RUNDC3B: variants seen among roughly 807,000 people sequenced by gnomAD.
RUNDC3B encodes the protein RUN domain-containing protein 3B.
RUNDC3B carries 33 observed loss-of-function variants against 58.4 expected under a neutral mutation model. The ratio of observed to expected loss-of-function variants is 0.56; its 90% CI spans 0.43 to 0.75. RUNDC3B has a LOEUF of 0.75. Among genes scored for constraint, RUNDC3B ranks in the 30% least tolerant of loss-of-function variants. RUNDC3B has a pLI of 0.00. For synonymous variants in RUNDC3B, 193 were observed against 195.2 expected (o/e 0.99, Z 0.10); for missense variants, 501 against 535.7 (o/e 0.94, Z 0.64).
At position 87,709,506 on chromosome 7, in the gene RUNDC3B, T is replaced by C. The variant is rs148110246; in HGVS notation, c.373-1064T>C. 1,008 of 985,416 alleles carry C rather than the reference T, an allele frequency of 1.0e-3. 10 individuals carry two copies. The African/African-American group carries it at 0.016, about 16-fold the overall frequency. 61.0% of individuals were successfully genotyped at this position (985,416 alleles called of 1,614,324 possible). On this transcript the variant is annotated intron_variant, in intron 3 of 10. Transcript: ENST00000394654. ...GGCAAGCTAAAAGGGATGTTGAGCT[T>C]GGTAGGTAAATTGACTCGCATGCTA...
In RUNDC3B at chr7:87,686,317, G is replaced by A. The variant is rs140018124; in HGVS notation, c.239-14104G>A. 2.6e-5 allele frequency among the ~76,000 whole-genome samples: 4 copies of A among 152,266 alleles called. No homozygotes were observed. In the East Asian group the frequency reaches 5.8e-4, roughly 22 times the overall value. ...AATAAGGACACATTAACAAATAATTGTGTGTACTAATGTCATCAAGTCATA... is the reference window on the plus strand; with the variant it reads ...AATAAGGACACATTAACAAATAATTATGTGTACTAATGTCATCAAGTCATA... On this transcript the variant is annotated intron_variant, in intron 2 of 10. Coordinates refer to ENST00000394654, the MANE Select transcript of RUNDC3B (RefSeq NM_001134405.2).
intron 6 of RUNDC3B, among the ~76,000 whole-genome samples, chr7:87,765,800 A>G (rs1176665705): frequency 6.6e-6 from 1 of 152,074 alleles, no homozygotes; most frequent in Non-Finnish European, 1.5e-5. Flanking sequence ...GTAAATATCT[A>G]TTAGGTCCAT....
intron 6 of RUNDC3B, among the ~76,000 whole-genome samples, chr7:87,755,055 C>G (rs1833287992): frequency 6.7e-6 from 1 of 149,300 alleles, no homozygotes; most frequent in South Asian, 2.1e-4. Context: ...CAGAGTCTCA[C>G]TCTGTCACCC....
chr7:87,811,427 G>A (rs997380178), intron 9 of RUNDC3B, among the ~76,000 whole-genome samples: 6 of 151,654 alleles, frequency 4.0e-5, no homozygotes, highest in African/African-American at 1.2e-4. Context: ...TTTGCCTCCC[G>A]GGTTGAAGTG....
At position 87,635,015 on chromosome 7, in the gene RUNDC3B, CAG is replaced by C. The variant is rs1821621066; in HGVS notation, c.122+6074_122+6075del. 2.0e-5 allele frequency among the ~76,000 whole-genome samples: 3 copies of C among 152,124 alleles called. No individual in the cohort carries two copies. In the South Asian group the frequency reaches 6.2e-4, roughly 32 times the overall value. Reference sequence around the variant, plus strand: ...AAACTGCATTCATATTAATTGACAACAGAGACTAGCTATCCCCCAGTCCTTTA... The same window carrying C: ...AAACTGCATTCATATTAATTGACAACAGACTAGCTATCCCCCAGTCCTTTA... On this transcript the variant is annotated intron_variant, in intron 1 of 10. Coordinates refer to ENST00000394654, the MANE Select transcript of RUNDC3B (RefSeq NM_001134405.2).
intron 8 of RUNDC3B, among the ~76,000 whole-genome samples, chr7:87,799,280 CAAT>C (rs1254547905): frequency 6.6e-6 from 1 of 152,144 alleles, no homozygotes; most frequent in African/African-American, 2.4e-5. Flanking sequence ...CAAGGACCAA[CAAT>C]AAACAGATAG....
intron 1 of RUNDC3B, among the ~76,000 whole-genome samples, chr7:87,640,312 C>T (rs997756886): frequency 2.6e-5 from 4 of 151,690 alleles, no homozygotes; most frequent in African/African-American, 9.7e-5. Flanking sequence ...TTACCTTCCT[C>T]AGTTTTGGAA....
intron 4 of RUNDC3B, 63 bp from the exon 5 acceptor site, chr7:87,739,728 T>C (rs1485000885): frequency 1.4e-5 from 10 of 735,832 alleles, no homozygotes; most frequent in Non-Finnish European, 1.6e-5. Flanking sequence ...TCTAAATGAT[T>C]TCTCTCGATC....
chr7:87,644,840 A>G (rs1449625786), intron 1 of RUNDC3B, among the ~76,000 whole-genome samples: 5 of 151,960 alleles, frequency 3.3e-5, no homozygotes, highest in Admixed American at 6.5e-5. Flanking sequence ...AATAAAAACT[A>G]TAGACATTAA....
intron 4 of RUNDC3B, 72 bp downstream of exon 4, chr7:87,710,727 A>T: frequency 1.3e-6 from 1 of 773,474 alleles, no homozygotes; most frequent in South Asian, 2.0e-5. Flanking sequence ...TCAGAATAGG[A>T]TGAAGAATCA....
intron 2 of RUNDC3B, among the ~76,000 whole-genome samples, chr7:87,697,987 G>A (rs1828645633): frequency 6.6e-6 from 1 of 152,192 alleles, no homozygotes; most frequent in African/African-American, 2.4e-5. Context: ...ATTATATCAG[G>A]AAATTTTTAG....
At chr7:87,736,102 T>C (rs553652113) in intron 4 of RUNDC3B, among the ~76,000 whole-genome samples, 1 of 152,316 alleles carries the variant, frequency 6.6e-6, no homozygotes, top group African/African-American at 2.4e-5. Flanking sequence ...GGGATCTGTT[T>C]TATATGTCAT....
At chr7:87,659,466 T>A (rs1490493093) in intron 2 of RUNDC3B, among the ~76,000 whole-genome samples, 1 of 152,178 alleles carries the variant, frequency 6.6e-6, no homozygotes, top group Admixed American at 6.5e-5. Flanking sequence ...AATCTTACCT[T>A]TCTTTATGTC....
At chr7:87,746,696 A>C (rs1363097301) in intron 6 of RUNDC3B, among the ~76,000 whole-genome samples, 2 of 152,114 alleles carry the variant, frequency 1.3e-5, no homozygotes, top group Non-Finnish European at 2.9e-5. Context: ...CTTTAAGTTT[A>C]TGTGAGTCCT....
At chr7:87,805,980 AC>A (rs1836415119) in intron 8 of RUNDC3B, among the ~76,000 whole-genome samples, 1 of 152,124 alleles carries the variant, frequency 6.6e-6, no homozygotes, top group East Asian at 1.9e-4. Context: ...GTAAAGCTTT[AC>A]TGTTTTCATT....
At chr7:87,766,013 C>G (rs1584146163) in intron 6 of RUNDC3B, among the ~76,000 whole-genome samples, 2 of 152,080 alleles carry the variant, frequency 1.3e-5, no homozygotes, top group African/African-American at 4.8e-5. Flanking sequence ...GTTAAATCTT[C>G]TTGTTGAATC....
At chr7:87,723,574 T>C (rs1006856173) in intron 4 of RUNDC3B, among the ~76,000 whole-genome samples, 1 of 152,174 alleles carries the variant, frequency 6.6e-6, no homozygotes, top group Non-Finnish European at 1.5e-5. Flanking sequence ...ATAATACATA[T>C]GCTGTATAAA....
At chr7:87,815,717 C>T (rs1340001313) in intron 9 of RUNDC3B, among the ~76,000 whole-genome samples, 1 of 152,060 alleles carries the variant, frequency 6.6e-6, no homozygotes, top group East Asian at 1.9e-4. Context: ...TCAAGGCCAT[C>T]TGTAATAATG....
intron 2 of RUNDC3B, among the ~76,000 whole-genome samples, chr7:87,662,383 A>G (rs1824800954): frequency 1.3e-5 from 2 of 151,994 alleles, no homozygotes; most frequent in African/African-American, 4.8e-5. Context: ...TCACACTTTC[A>G]GGTTTTAGAT....
Sources: allele counts gnomAD v4.1 joint callset (sites outside exome capture counted in the v4.1 genomes callset), GRCh38; gene constraint gnomAD v4.1.1; transcripts MANE v1.5; gene names NCBI Gene and HGNC (gene_info 2026-07-23, HGNC 2026-07-21).